NLGN4X: variants seen among roughly 807,000 people sequenced by gnomAD.
NLGN4X encodes the protein neuroligin 4 X-linked, also known as neuroligin-4, X-linked.
NLGN4X carries 3 observed loss-of-function variants against 40.3 expected under a neutral mutation model. That is an observed-to-expected ratio of 0.07 (90% CI 0.03 to 0.19). The LOEUF is 0.19. Ranked by LOEUF, NLGN4X falls within the 10% of genes least tolerant of loss-of-function variation. The probability of loss-of-function intolerance (pLI) is 1.00; values close to 1 mark genes in which losing one functional copy is unlikely to be tolerated. For synonymous variants in NLGN4X, 270 were observed against 306.8 expected, an observed-to-expected ratio of 0.88 and a Z score of 1.25; for missense variants, 382 against 708.3, an observed-to-expected ratio of 0.54 and a Z score of 5.23.
intron 3 of NLGN4X, among the ~76,000 whole-genome samples, chrX:5,919,466 C>T (rs1196382629): frequency 1.8e-5 from 2 of 111,743 alleles, no homozygotes; most frequent in Non-Finnish European, 3.8e-5. Flanking sequence ...TTATTCTGTC[C>T]TCTACAGCAG....
chrX:5,924,479 T>C (rs1239348775), intron 3 of NLGN4X, among the ~76,000 whole-genome samples: 1 of 111,885 alleles, frequency 8.9e-6, no homozygotes, highest in African/African-American at 3.2e-5. Flanking sequence ...CATTACCTCA[T>C]TTCCTTTGTG....
At chrX:6,202,548 G>A (rs762339657) in intron 1 of NLGN4X, among the ~76,000 whole-genome samples, 22 of 109,293 alleles carry the variant, frequency 2.0e-4, no homozygotes, top group African/African-American at 5.7e-4. Flanking sequence ...ATGTTGCCCC[G>A]GCTGGTCTCC....
At chrX:6,013,245 T>C (rs2036301034) in intron 3 of NLGN4X, among the ~76,000 whole-genome samples, 1 of 111,461 alleles carries the variant, frequency 9.0e-6, no homozygotes, top group East Asian at 2.8e-4. Flanking sequence ...AACCTATGTG[T>C]AATGAATTAT....
chrX:6,095,067 A>G (rs983690716), intron 2 of NLGN4X, among the ~76,000 whole-genome samples: 1 of 106,174 alleles, frequency 9.4e-6, no homozygotes, highest in African/African-American at 3.5e-5. Flanking sequence ...GTTGAATTCT[A>G]TTTTTAAATG....
intron 1 of NLGN4X, among the ~76,000 whole-genome samples, chrX:6,173,961 T>C (rs964610081): frequency 9.0e-6 from 1 of 111,157 alleles, no homozygotes; most frequent in Admixed American, 9.6e-5. Flanking sequence ...CTTAGGAGGC[T>C]GAGGCAGGAT....
chrX:5,911,277 T>C (rs781742848), intron 3 of NLGN4X, among the ~76,000 whole-genome samples: 15 of 112,132 alleles, frequency 1.3e-4, no homozygotes, highest in African/African-American at 4.9e-4. Context: ...GCAGAATGAC[T>C]TGTTGACTTA....
chrX:5,914,474 T>C (rs919878063), intron 3 of NLGN4X, among the ~76,000 whole-genome samples: 1 of 111,138 alleles, frequency 9.0e-6, no homozygotes, highest in Non-Finnish European at 1.9e-5. Flanking sequence ...AGGAGATCAT[T>C]CCTTGCATAA....
intron 1 of NLGN4X, among the ~76,000 whole-genome samples, chrX:6,167,856 T>C (rs1402097357): frequency 8.9e-6 from 1 of 112,059 alleles, no homozygotes; most frequent in African/African-American, 3.2e-5. Flanking sequence ...TTGCCTCTCT[T>C]TTGAATTATA....
At chrX:6,063,522 C>A in intron 2 of NLGN4X, among the ~76,000 whole-genome samples, 1 of 111,551 alleles carries the variant, frequency 9.0e-6, no homozygotes. Context: ...AGTTTGTTTT[C>A]CATCCACCTA....
intron 3 of NLGN4X, among the ~76,000 whole-genome samples, chrX:5,992,415 G>A (rs927033580): frequency 9.0e-6 from 1 of 111,051 alleles, no homozygotes; most frequent in African/African-American, 3.3e-5. Flanking sequence ...AGACCAGCCT[G>A]GGAAACTCAG....
intron 1 of NLGN4X, among the ~76,000 whole-genome samples, chrX:6,160,632 T>C (rs778664731): frequency 9.2e-6 from 1 of 108,393 alleles, no homozygotes; most frequent in African/African-American, 3.3e-5. Flanking sequence ...CCGGATTATC[T>C]TGCCTCAGCC....
At chrX:6,014,574 T>A (rs1056565247) in intron 3 of NLGN4X, among the ~76,000 whole-genome samples, 6 of 111,832 alleles carry the variant, frequency 5.4e-5, no homozygotes, top group Non-Finnish European at 1.1e-4. Context: ...CATCGAGAAC[T>A]CTAAATGTTC....
intron 2 of NLGN4X, among the ~76,000 whole-genome samples, chrX:6,100,509 T>C (rs772871906): frequency 1.5e-3 from 168 of 112,324 alleles, no homozygotes; most frequent in African/African-American, 5.1e-3. Flanking sequence ...CAGCTGAGTG[T>C]TGGAAAATAC....
chrX:6,178,628 A>G (rs979349009), intron 1 of NLGN4X, among the ~76,000 whole-genome samples: 5 of 112,497 alleles, frequency 4.4e-5, no homozygotes, highest in Non-Finnish European at 7.5e-5. Flanking sequence ...AAAGAAACAA[A>G]TGCCTGTAAG....
At chrX:6,154,155 C>T (rs187479947) in intron 1 of NLGN4X, among the ~76,000 whole-genome samples, 1 of 112,002 alleles carries the variant, frequency 8.9e-6, no homozygotes, top group Non-Finnish European at 1.9e-5. Context: ...ATGATAGTGG[C>T]ACCTCCTACC....
intron 3 of NLGN4X, among the ~76,000 whole-genome samples, chrX:5,994,029 C>G (rs1310207720): frequency 8.9e-6 from 1 of 111,991 alleles, no homozygotes; most frequent in Admixed American, 9.5e-5. Context: ...AAGAAGTTGC[C>G]TTTTCCTCTC....
Position 6,053,361 on chromosome X carries a change from A to G in NLGN4X, c.473-23929T>C, listed in dbSNP as rs750451676. Reference sequence around the variant, plus strand: ...TCATTTAGCAGCTTGTGAGCAGTTTAGGAAGATCATGTTTCTCCACTTGTT... The same window carrying G: ...TCATTTAGCAGCTTGTGAGCAGTTTGGGAAGATCATGTTTCTCCACTTGTT... On this transcript the variant is annotated intron_variant, in intron 2 of 5. Transcript: ENST00000381095. Among the ~76,000 whole-genome samples the G allele has an allele frequency of 2.7e-5, 3 of 111,528 alleles. No homozygotes were observed. In the South Asian group the frequency reaches 1.1e-3, roughly 42 times the overall value.
chrX:5,911,758 C>T (rs763148874), intron 3 of NLGN4X, among the ~76,000 whole-genome samples: 97 of 112,205 alleles, frequency 8.6e-4, no homozygotes, highest in African/African-American at 3.0e-3. Flanking sequence ...GCAAAACTTA[C>T]AATAGTCAGA....
At chrX:6,037,926 C>T (rs2037061356) in intron 2 of NLGN4X, among the ~76,000 whole-genome samples, 1 of 111,729 alleles carries the variant, frequency 9.0e-6, no homozygotes, top group African/African-American at 3.3e-5. Context: ...ACAGACTGCC[C>T]ATGACACATG....
Sources: allele counts gnomAD v4.1 joint callset (sites outside exome capture counted in the v4.1 genomes callset), GRCh38; gene constraint gnomAD v4.1.1; transcripts MANE v1.5; gene names NCBI Gene and HGNC (gene_info 2026-07-23, HGNC 2026-07-21).